SH3PXD2B: variants seen among roughly 807,000 people sequenced by gnomAD.
SH3PXD2B encodes the protein SH3 and PX domain-containing protein 2B.
SH3PXD2B carries 37 observed loss-of-function variants against 73.1 expected under a neutral mutation model. That is an observed-to-expected ratio of 0.51 (90% confidence interval 0.39 to 0.67). The LOEUF (loss-of-function observed/expected upper bound fraction) is 0.67. SH3PXD2B is among the 30% of genes least tolerant of loss of function. SH3PXD2B has a pLI of 0.00. For synonymous variants in SH3PXD2B, 457 were observed against 480.5 expected, an observed-to-expected ratio of 0.95 and a Z score of 0.64; for missense variants, 1,053 against 1,197.8, an observed-to-expected ratio of 0.88 and a Z score of 1.78.
At chr5:172,397,667 C>T (rs932220144) in intron 3 of SH3PXD2B, among the ~76,000 whole-genome samples, 12 of 152,300 alleles carry the variant, frequency 7.9e-5, no homozygotes, top group East Asian at 5.8e-4. Context: ...TTATTGGGGG[C>T]GGGTTCCCCC....
intron 1 of SH3PXD2B, among the ~76,000 whole-genome samples, chr5:172,428,108 G>C (rs1220901152): frequency 6.6e-6 from 1 of 152,180 alleles, no homozygotes; most frequent in Non-Finnish European, 1.5e-5. Context: ...ATTTCCTGCA[G>C]AGATTTACAT....
chr5:172,357,294 C>T (rs1028725802), intron 8 of SH3PXD2B, among the ~76,000 whole-genome samples: 1 of 151,500 alleles, frequency 6.6e-6, no homozygotes, highest in Non-Finnish European at 1.5e-5. Context: ...CGTGGTGGTG[C>T]ATGCCTGTAA....
rs550449429 is a variant in SH3PXD2B at position 172,339,714 on chromosome 5, G to A, written c.1391C>T (p.Thr464Met). 32 of 1,614,198 alleles carry A rather than the reference G, an allele frequency of 2.0e-5. No individual in the cohort carries two copies. Among genetic ancestry groups the A allele is most frequent in the African/African-American group, 1.6e-4 (12 of 75,084 alleles). Residue 464 changes from threonine (T) to methionine (M), a missense_variant, in exon 13 of 13, where the codon ACG becomes ATG. Coordinates refer to ENST00000311601, the MANE Select transcript of SH3PXD2B (RefSeq NM_001017995.3). The surrounding 1 kb of genome is among the most constrained non-coding windows in gnomAD (Gnocchi z 6.1). ...ALENNTGSEA[T>M]GPSRPLPDAP... ...GTCAGGCAGGGGCCGGGAGGGGCCC[G>A]TGGCTTCGCTGCCCGTGTTGTTCTC...
intron 7 of SH3PXD2B, among the ~76,000 whole-genome samples, chr5:172,362,095 T>C (rs948362384): frequency 6.6e-6 from 1 of 152,248 alleles, no homozygotes; most frequent in African/African-American, 2.4e-5. Context: ...ATCTACTGTG[T>C]GCTAAGCACA....
intron 1 of SH3PXD2B, among the ~76,000 whole-genome samples, chr5:172,429,447 G>A (rs779261451): frequency 2.7e-4 from 41 of 152,176 alleles, no homozygotes; most frequent in South Asian, 4.1e-4. Flanking sequence ...GATTTGAGCC[G>A]GAATCATCTA....
intron 4 of SH3PXD2B, among the ~76,000 whole-genome samples, chr5:172,390,637 G>A (rs1758161554): frequency 6.6e-6 from 1 of 152,224 alleles, no homozygotes; most frequent in Admixed American, 6.5e-5. Flanking sequence ...TGATGAACTT[G>A]TGGATCACTT....
At chr5:172,356,576 C>G (rs11134743) in intron 8 of SH3PXD2B, 66,466 of 152,078 alleles carry the variant, frequency 0.44, 14,928 homozygotes, top group East Asian at 0.68. Context: ...AGACAGACGA[C>G]ATCACTGTTT....
intron 12 of SH3PXD2B, among the ~76,000 whole-genome samples, chr5:172,345,696 G>T (rs554492043): frequency 4.2e-4 from 64 of 152,332 alleles, no homozygotes; most frequent in African/African-American, 1.5e-3. Context: ...AGAGTGGGAA[G>T]AAAAGGAGAG....
At chr5:172,329,083 A>ATATTTTTTTTTTTTTTTTTTTTT (rs58472514), downstream of SH3PXD2B, among the ~76,000 whole-genome samples, 1 of 61,812 alleles carries the variant, frequency 1.6e-5, no homozygotes, top group African/African-American at 7.8e-5. Context: ...ATATATATAT[A>ATATTTTTTTTTTTTTTTTTTTTT]TTTTTTTTTT....
downstream of SH3PXD2B, among the ~76,000 whole-genome samples, chr5:172,328,573 A>C (rs539296697): frequency 1.3e-5 from 2 of 152,266 alleles, no homozygotes; most frequent in South Asian, 4.1e-4. Context: ...TAACTGAGAG[A>C]GTGGGATCTG....
chr5:172,402,093 C>T (rs1758431413), intron 3 of SH3PXD2B, among the ~76,000 whole-genome samples: 1 of 152,176 alleles, frequency 6.6e-6, no homozygotes, highest in African/African-American at 2.4e-5. Flanking sequence ...TCGCTGAATT[C>T]TTTTTCTCAG....
rs139886267 is a variant in SH3PXD2B at position 172,375,867 on chromosome 5, T to C, written c.402-2052A>G. 2.0e-3 allele frequency among the ~76,000 whole-genome samples: 309 copies of C among 152,326 alleles called. 2 individuals are homozygous for C. The highest frequency in any genetic ancestry group is 7.0e-3 in the African/African-American group (290 of 41,562). The stretch of plus-strand genomic sequence containing the variant: ...TGTATTTTTATTTCTCTTGGTTATA[T>C]ACCTAAGAGGGGAATTGCTAGGTCA... On this transcript the variant is annotated intron_variant, in intron 5 of 12. Coordinates refer to ENST00000311601, the MANE Select transcript of SH3PXD2B (RefSeq NM_001017995.3).
rs1759888686 is a variant in SH3PXD2B at position 172,454,469 on chromosome 5, G to GGGCCGAGCACGAGCCGCCGCCGC, written c.-140_-118dup. On this transcript the variant is annotated 5_prime_UTR_variant, in exon 1 of 13. Transcript: ENST00000311601. ...CTGGAGCTGAGCGCAATCGCAGCCG[G>GGGCCGAGCACGAGCCGCCGCCGC]GGCCGAGCACGAGCCGCCGCCGCCA... 1 of 458,384 alleles carries GGGCCGAGCACGAGCCGCCGCCGC rather than the reference G, an allele frequency of 2.2e-6. No individual in the cohort carries two copies. Among genetic ancestry groups the GGGCCGAGCACGAGCCGCCGCCGC allele is most frequent in the Non-Finnish European group, 3.0e-6 (1 of 334,750 alleles). The allele number at this position is 458,384 out of a possible 1,614,324, so 28.4% of individuals were successfully genotyped here. A position where few individuals can be genotyped will look rare whatever the true frequency, so the allele number is the denominator to read the frequency against.
At chr5:172,437,805 C>T (rs2731686) in intron 1 of SH3PXD2B, among the ~76,000 whole-genome samples, 51,265 of 152,048 alleles carry the variant, frequency 0.34, 9,213 homozygotes, top group Non-Finnish European at 0.42. Flanking sequence ...GGGCACGCAG[C>T]GAAGGCTCAG....
intron 2 of SH3PXD2B, among the ~76,000 whole-genome samples, chr5:172,415,081 T>G (rs1758789969): frequency 6.6e-6 from 1 of 152,168 alleles, no homozygotes; most frequent in Non-Finnish European, 1.5e-5. Flanking sequence ...CTATTCCCAC[T>G]ACACTGGAAG....
chr5:172,380,307 C>T (rs113084396), intron 5 of SH3PXD2B, among the ~76,000 whole-genome samples: 150 of 152,198 alleles, frequency 9.9e-4, no homozygotes, highest in African/African-American at 3.1e-3. Context: ...GCAATCCTTC[C>T]GCCTCGGCCT....
Position 172,333,880 on chromosome 5 carries a change from G to A in SH3PXD2B, c.*4489C>T, listed in dbSNP as rs929924726. 93 of 1,274,556 alleles carry A rather than the reference G, an allele frequency of 7.3e-5. 1 individual carries two copies. Among genetic ancestry groups the A allele is most frequent in the South Asian group, 1.8e-4 (14 of 78,114 alleles). The allele number at this position is 1,274,556 out of a possible 1,614,324, so 79.0% of individuals were successfully genotyped here. On this transcript the variant is annotated 3_prime_UTR_variant, in exon 13 of 13. Transcript: ENST00000311601. ...CATCACCCCTCTAAGTGAAAGGGGC[G>A]CTAACAATAATTACACGGGCACAAA... is the stretch of plus-strand genomic sequence containing the variant.
rs564055062 is a variant in SH3PXD2B, at chr5:172,421,801, C to T, written c.156+615G>A. Reference sequence around the variant, plus strand: ...AAAAGTCTAGACACACTCAACAAACCCAGCTCACCAGCAAACACGATTATT... The same window carrying T: ...AAAAGTCTAGACACACTCAACAAACTCAGCTCACCAGCAAACACGATTATT... On this transcript the variant is annotated intron_variant, in intron 2 of 12. Coordinates refer to ENST00000311601, the MANE Select transcript of SH3PXD2B (RefSeq NM_001017995.3). The surrounding 1 kb of genome is among the most constrained non-coding windows in gnomAD (Gnocchi z 4.0). 3.3e-5 allele frequency among the ~76,000 whole-genome samples: 5 copies of T among 152,196 alleles called. No homozygotes were observed. The highest frequency in any genetic ancestry group is 1.2e-4 in the African/African-American group (5 of 41,436).
At chr5:172,406,404 A>T in intron 2 of SH3PXD2B, 52 bp from the exon 3 acceptor site, 1 of 1,553,200 alleles carries the variant, frequency 6.4e-7, no homozygotes, top group Admixed American at 1.7e-5. Flanking sequence ...TGCACTAAAC[A>T]TCATCTAGGA....
Sources: gnomAD v4.1 joint callset for allele counts (sites outside exome capture counted in the v4.1 genomes callset) on GRCh38, gnomAD v4.1.1 for gene constraint, Gnocchi (gnomAD v3.1) non-coding constraint, MANE v1.5 for transcripts, NCBI Gene and HGNC (gene_info 2026-07-23, HGNC 2026-07-21) for gene names.